SPIDR: variants seen among roughly 807,000 people sequenced by gnomAD.
SPIDR encodes the protein DNA repair-scaffolding protein.
In SPIDR, 93 loss-of-function variants were observed where a neutral mutation model predicts 104.6. The observed-to-expected ratio is 0.89, with a 90% CI of 0.75 to 1.06. SPIDR has a LOEUF of 1.06. Among genes scored for constraint, SPIDR ranks in the 50% least tolerant of loss-of-function variants. The probability of loss-of-function intolerance (pLI) is 0.00; values close to 1 mark genes in which losing one functional copy is unlikely to be tolerated. For missense variants in SPIDR, 1,154 were observed against 1,111.2 expected, an observed-to-expected ratio of 1.04 and a Z score of -0.55; for synonymous variants, 431 against 416.9, an observed-to-expected ratio of 1.03 and a Z score of -0.41.
chr8:47,375,233 CTTTTTTTTTTTTT>C (rs869038432), intron 5 of SPIDR, among the ~76,000 whole-genome samples: 2 of 53,346 alleles, frequency 3.7e-5, no homozygotes, highest in African/African-American at 6.6e-5. Flanking sequence ...AGTTAATAGG[CTTTTTTTTTTTTT>C]TTTTTTTTTT....
intron 8 of SPIDR, among the ~76,000 whole-genome samples, chr8:47,593,210 C>G (rs760905113): frequency 2.0e-5 from 3 of 151,832 alleles, no homozygotes; most frequent in Non-Finnish European, 4.4e-5. Context: ...TTTTTTAAGT[C>G]TGTTTTCCCT....
At chr8:47,350,450 A>T (rs1554621660) in intron 5 of SPIDR, among the ~76,000 whole-genome samples, 1 of 151,994 alleles carries the variant, frequency 6.6e-6, no homozygotes, top group Non-Finnish European at 1.5e-5. Context: ...CTTAGCTGGG[A>T]TTACAGGCGT....
At chr8:47,573,047 A>G (rs1357291228) in intron 8 of SPIDR, among the ~76,000 whole-genome samples, 2 of 152,354 alleles carry the variant, frequency 1.3e-5, no homozygotes, top group East Asian at 3.9e-4. Flanking sequence ...ACCCATTTAC[A>G]TTAATTTTTC....
chr8:47,434,170 A>G (rs1429220253), intron 7 of SPIDR, among the ~76,000 whole-genome samples: 1 of 152,230 alleles, frequency 6.6e-6, no homozygotes, highest in Non-Finnish European at 1.5e-5. Context: ...TTATCATCAC[A>G]GCTGGTGGTA....
At chr8:47,584,131 C>G (rs2060024135) in intron 8 of SPIDR, among the ~76,000 whole-genome samples, 1 of 152,146 alleles carries the variant, frequency 6.6e-6, no homozygotes, top group Non-Finnish European at 1.5e-5. Context: ...TCATATAGAT[C>G]ATATCATATT....
chr8:47,397,628 G>A (rs934799982), intron 6 of SPIDR, among the ~76,000 whole-genome samples: 13 of 152,260 alleles, frequency 8.5e-5, no homozygotes, highest in African/African-American at 3.1e-4. Context: ...GAGCGTAGGT[G>A]TTGGATCCAC....
chr8:47,404,657 T>G (rs2062458993), intron 6 of SPIDR, among the ~76,000 whole-genome samples: 2 of 152,120 alleles, frequency 1.3e-5, no homozygotes, highest in African/African-American at 4.8e-5. Context: ...TGAGATACCA[T>G]GTCACACCAG....
At chr8:47,320,841 T>C (rs1343670308) in intron 5 of SPIDR, among the ~76,000 whole-genome samples, 1 of 151,954 alleles carries the variant, frequency 6.6e-6, no homozygotes, top group Non-Finnish European at 1.5e-5. Context: ...AACCAACGAG[T>C]AAAACCACAT....
chr8:47,622,281 T>C (rs993464638), intron 10 of SPIDR, among the ~76,000 whole-genome samples: 10 of 152,110 alleles, frequency 6.6e-5, no homozygotes, highest in South Asian at 4.1e-4. Context: ...TTTTCAACCT[T>C]GATAACTTGG....
chr8:47,449,419 T>C (rs2071287945), intron 8 of SPIDR, among the ~76,000 whole-genome samples: 1 of 152,180 alleles, frequency 6.6e-6, no homozygotes, highest in Non-Finnish European at 1.5e-5. Flanking sequence ...GTATAACCCA[T>C]GTGTGGTAAT....
At chr8:47,487,733 C>T (rs967167019) in intron 8 of SPIDR, among the ~76,000 whole-genome samples, 1 of 152,120 alleles carries the variant, frequency 6.6e-6, no homozygotes, top group African/African-American at 2.4e-5. Context: ...ATGGAAACTG[C>T]ACAACGTGCT....
intron 5 of SPIDR, among the ~76,000 whole-genome samples, chr8:47,319,571 T>C (rs1297534743): frequency 6.6e-6 from 1 of 152,084 alleles, no homozygotes; most frequent in East Asian, 1.9e-4. Context: ...CCAGGTATTG[T>C]ACTCAACTCT....
At chr8:47,358,348 G>A (rs1412935213) in intron 5 of SPIDR, among the ~76,000 whole-genome samples, 3 of 152,124 alleles carry the variant, frequency 2.0e-5, no homozygotes, top group African/African-American at 7.2e-5. Flanking sequence ...TCAGCCTCCT[G>A]AGTTGCTAGG....
At chr8:47,392,010 A>G (rs367839532) in intron 5 of SPIDR, among the ~76,000 whole-genome samples, 77 of 151,238 alleles carry the variant, frequency 5.1e-4, no homozygotes, top group African/African-American at 1.4e-3. Flanking sequence ...AAAAAAAAAA[A>G]AAAGAAAGAA....
At chr8:47,327,573 T>C (rs2047900486) in intron 5 of SPIDR, among the ~76,000 whole-genome samples, 1 of 151,864 alleles carries the variant, frequency 6.6e-6, no homozygotes, top group Non-Finnish European at 1.5e-5. Context: ...GCTAATTTTT[T>C]CCCCCTCGAG....
chr8:47,509,057 C>T (rs1041236219), intron 8 of SPIDR, among the ~76,000 whole-genome samples: 3 of 152,168 alleles, frequency 2.0e-5, no homozygotes, highest in Non-Finnish European at 4.4e-5. Flanking sequence ...TGCTGGATCC[C>T]TCTAGGCCTC....
intron 10 of SPIDR, among the ~76,000 whole-genome samples, chr8:47,635,305 C>G (rs1306401398): frequency 6.6e-6 from 1 of 152,098 alleles, no homozygotes; most frequent in Non-Finnish European, 1.5e-5. Context: ...GATTATGCCA[C>G]TCCTCTCCAG....
chr8:47,729,607 A>G, intron 19 of SPIDR, 142 bp downstream of exon 19: 1 of 869,656 alleles, frequency 1.1e-6, no homozygotes, highest in African/African-American at 1.7e-5. Context: ...TCGAGAGTGA[A>G]ATGCAGATAT....
At chr8:47,690,067 C>A (rs935864765) in intron 11 of SPIDR, among the ~76,000 whole-genome samples, 2 of 151,304 alleles carry the variant, frequency 1.3e-5, no homozygotes, top group Non-Finnish European at 2.9e-5. Flanking sequence ...AAAAAAAAAA[C>A]TTACACGTGT....
Sources: allele counts gnomAD v4.1 joint callset (sites outside exome capture counted in the v4.1 genomes callset), GRCh38; gene constraint gnomAD v4.1.1; transcripts MANE v1.5; gene names NCBI Gene and HGNC (gene_info 2026-07-23, HGNC 2026-07-21).